SYCP1: variants seen among roughly 807,000 people sequenced by gnomAD.
The protein encoded by SYCP1 is cancer/testis antigen 8.
SYCP1 carries 64 observed loss-of-function variants against 153.1 expected under a neutral mutation model. That is an observed-to-expected ratio of 0.42 (90% confidence interval 0.34 to 0.51). The LOEUF (loss-of-function observed/expected upper bound fraction) is 0.51, where lower values mean the gene tolerates loss of function less well. Among genes scored for constraint, SYCP1 ranks in the 20% least tolerant of loss-of-function variants. SYCP1 has a pLI of 0.06. For missense variants in SYCP1, 997 were observed against 1,049.0 expected (o/e 0.95, Z 0.68); for synonymous variants, 384 against 341.8 (o/e 1.12, Z -1.36).
intron 23 of SYCP1, among the ~76,000 whole-genome samples, chr1:114,927,606 A>C (rs1439560394): frequency 6.6e-6 from 1 of 152,192 alleles, no homozygotes; most frequent in Non-Finnish European, 1.5e-5. Context: ...AAACCAAAAC[A>C]AAAACCAAAT....
chr1:114,874,265 T>C (rs966871242), intron 8 of SYCP1, among the ~76,000 whole-genome samples: 1 of 152,210 alleles, frequency 6.6e-6, no homozygotes, highest in Admixed American at 6.5e-5. Flanking sequence ...AATTTTTTAG[T>C]TTGTTCAGCT....
chr1:114,858,446 T>C (rs1664159413), intron 5 of SYCP1, 101 bp from the exon 6 acceptor site: 2 of 924,378 alleles, frequency 2.2e-6, no homozygotes, highest in East Asian at 2.6e-5. Flanking sequence ...TGAGGAGATA[T>C]TTGGTCTCAA....
chr1:114,855,452 C>A lies in SYCP1; in HGVS notation c.-13C>A. On this transcript the variant is annotated 5_prime_UTR_variant, in exon 2 of 32. Transcript: ENST00000369522. ...CCCCGGGGCAGTAGATATTTACAAC[C>A]GTAACAGAGAAAATGGAAAAGCAAA... 6.2e-7 allele frequency: 1 copy of A among 1,605,692 alleles called. No individual in the cohort carries two copies. Among genetic ancestry groups the A allele is most frequent in the Non-Finnish European group, 8.5e-7 (1 of 1,175,338 alleles).
chr1:114,948,644 A>T (rs963765743), intron 27 of SYCP1, among the ~76,000 whole-genome samples: 2 of 151,962 alleles, frequency 1.3e-5, no homozygotes, highest in African/African-American at 4.8e-5. Flanking sequence ...TGGTTATTTC[A>T]CTCTGTGCCC....
chr1:114,968,076 G>A (rs1175845855), intron 27 of SYCP1, among the ~76,000 whole-genome samples: 1 of 152,130 alleles, frequency 6.6e-6, no homozygotes, highest in East Asian at 1.9e-4. Context: ...TCCCTTTGTG[G>A]GTAACCCGAC....
At chr1:114,877,813 T>C (rs901281379) in intron 11 of SYCP1, among the ~76,000 whole-genome samples, 14 of 152,194 alleles carry the variant, frequency 9.2e-5, no homozygotes, top group Non-Finnish European at 1.9e-4. Flanking sequence ...ATTATGTATG[T>C]TGACTTTTCC....
intron 8 of SYCP1, among the ~76,000 whole-genome samples, chr1:114,863,377 C>A (rs924476179): frequency 1.3e-5 from 2 of 152,090 alleles, no homozygotes; most frequent in Non-Finnish European, 2.9e-5. Context: ...CATGGTGAAA[C>A]CCCATCTCTA....
At chr1:114,892,516 G>C (rs1244430974) in intron 15 of SYCP1, among the ~76,000 whole-genome samples, 1 of 152,140 alleles carries the variant, frequency 6.6e-6, no homozygotes, top group Non-Finnish European at 1.5e-5. Flanking sequence ...GGCTTCACCT[G>C]GTAGCTGGCA....
At chr1:114,949,307 A>C (rs1670943091) in intron 27 of SYCP1, among the ~76,000 whole-genome samples, 1 of 152,186 alleles carries the variant, frequency 6.6e-6, no homozygotes, top group Non-Finnish European at 1.5e-5. Flanking sequence ...TCAGTGTTGG[A>C]GTCTGTCTTG....
At chr1:114,937,472 G>A (rs1570809092) in intron 23 of SYCP1, among the ~76,000 whole-genome samples, 1 of 152,130 alleles carries the variant, frequency 6.6e-6, no homozygotes, top group South Asian at 2.1e-4. Context: ...TACCATTCAG[G>A]ACATAGGCAT....
intron 27 of SYCP1, among the ~76,000 whole-genome samples, chr1:114,966,614 T>C (rs1194329966): frequency 1.3e-5 from 2 of 152,156 alleles, no homozygotes; most frequent in Non-Finnish European, 2.9e-5. Flanking sequence ...CCAGTAGTCA[T>C]TCAGGAGCAG....
Position 114,967,137 on chromosome 1 carries a change from G to T in SYCP1, c.2323-10420G>T, listed in dbSNP as rs916306460. Reference sequence around the variant, plus strand: ...AATAAGTGCTATGCGGTGCTGAGAAGAATGTATATTCTGTTGCTTTGGGGT... The same window carrying T: ...AATAAGTGCTATGCGGTGCTGAGAATAATGTATATTCTGTTGCTTTGGGGT... On this transcript the variant is annotated intron_variant, in intron 27 of 31. Transcript: ENST00000369522. Among the ~76,000 whole-genome samples the T allele has an allele frequency of 2.6e-5, 4 of 152,192 alleles. No homozygotes were observed. The South Asian group carries it at 8.3e-4, about 31-fold the overall frequency.
At chr1:114,994,510 CTTTG>C (rs1289864444) in intron 30 of SYCP1, among the ~76,000 whole-genome samples, 184 bp from the exon 31 acceptor site, 6 of 151,206 alleles carry the variant, frequency 4.0e-5, no homozygotes, top group African/African-American at 1.5e-4. Context: ...TTACTGTTTT[CTTTG>C]TTTGGTCTTC....
intron 26 of SYCP1, 68 bp from the exon 27 acceptor site, chr1:114,947,151 ACAATATTAAATTTACTCAGAGCACTAG>A: frequency 1.1e-6 from 1 of 902,126 alleles, no homozygotes; most frequent in Non-Finnish European, 1.7e-6. Context: ...TTATTTCTCT[ACAATATTAAATTTACTCAGAGCACTAG>A]TTTATATTTT....
intron 9 of SYCP1, among the ~76,000 whole-genome samples, chr1:114,875,661 G>T (rs1434494653): frequency 6.6e-6 from 1 of 152,130 alleles, no homozygotes; most frequent in African/African-American, 2.4e-5. Context: ...AGCAAGATTT[G>T]TTGAATGCCG....
chr1:114,855,468 GAAAAGC>G lies in SYCP1; in HGVS notation c.11_16del (p.Gln4_Lys5del). 6.2e-7 allele frequency: 1 copy of G among 1,608,830 alleles called. No homozygotes were observed. The highest frequency in any genetic ancestry group is 8.5e-7 in the Non-Finnish European group (1 of 1,177,322). On this transcript the variant is annotated inframe_deletion, in exon 2 of 32. Coordinates refer to ENST00000369522, the MANE Select transcript of SYCP1 (RefSeq NM_003176.4). The stretch of plus-strand genomic sequence containing the variant: ...ATTTACAACCGTAACAGAGAAAATG[GAAAAGC>G]AAAAGCCCTTTGCATTGTTCGTACC...
intron 16 of SYCP1, among the ~76,000 whole-genome samples, chr1:114,901,302 A>G (rs1667431789): frequency 6.6e-6 from 1 of 152,222 alleles, no homozygotes; most frequent in Admixed American, 6.5e-5. Flanking sequence ...TAAAAGGAAA[A>G]CATAAAGGCC....
chr1:114,971,157 A>G (rs971100837), intron 27 of SYCP1, among the ~76,000 whole-genome samples: 2 of 152,190 alleles, frequency 1.3e-5, no homozygotes, highest in Non-Finnish European at 2.9e-5. Context: ...GGGCAGAGCC[A>G]TAGAGCTCCC....
chr1:114,900,406 G>A (rs1667350921), intron 16 of SYCP1, among the ~76,000 whole-genome samples: 1 of 151,964 alleles, frequency 6.6e-6, no homozygotes, highest in Non-Finnish European at 1.5e-5. Context: ...TGAGCCTCCT[G>A]AGTAGCTGGG....
Sources: gnomAD v4.1 joint callset for allele counts (sites outside exome capture counted in the v4.1 genomes callset) on GRCh38, gnomAD v4.1.1 for gene constraint, MANE v1.5 for transcripts, NCBI Gene and HGNC (gene_info 2026-07-23, HGNC 2026-07-21) for gene names.